SLC35B3: variants seen among roughly 807,000 people sequenced by gnomAD.
SLC35B3 encodes the protein solute carrier family 35 member B3, also known as adenosine 3'-phospho 5'-phosphosulfate transporter 2.
SLC35B3 carries 35 observed loss-of-function variants against 44.1 expected under a neutral mutation model. The observed-to-expected ratio is 0.79, with a 90% CI of 0.61 to 1.05. SLC35B3 has a LOEUF of 1.05. SLC35B3 is among the 50% of genes least tolerant of loss of function. The pLI is 0.00. For synonymous variants in SLC35B3, 146 were observed against 167.3 expected, an observed-to-expected ratio of 0.87 and a Z score of 0.98; for missense variants, 414 against 476.4, an observed-to-expected ratio of 0.87 and a Z score of 1.22.
intron 4 of SLC35B3, among the ~76,000 whole-genome samples, chr6:8,425,231 G>C (rs1763304785): frequency 6.6e-6 from 1 of 152,110 alleles, no homozygotes; most frequent in African/African-American, 2.4e-5. Context: ...CATCATCATT[G>C]TATCATTTTT....
Position 8,412,885 on chromosome 6 carries a change from C to T in SLC35B3, c.*664G>A, listed in dbSNP as rs894698979. Reference sequence around the variant, plus strand: ...TAATGCTCACTTGTCAGCCTCTCACCTCTTGTTGCGTGGTCTGGTTCCTAA... The same window carrying T: ...TAATGCTCACTTGTCAGCCTCTCACTTCTTGTTGCGTGGTCTGGTTCCTAA... On this transcript the variant is annotated 3_prime_UTR_variant, in exon 11 of 11. Coordinates refer to ENST00000644923, the MANE Select transcript of SLC35B3 (RefSeq NM_001370476.2). 1.2e-4 allele frequency among the ~76,000 whole-genome samples: 19 copies of T among 152,244 alleles called. No homozygotes were observed. Among genetic ancestry groups the T allele is most frequent in the African/African-American group, 4.6e-4 (19 of 41,544 alleles).
At position 8,419,431 on chromosome 6, in the gene SLC35B3, T is replaced by G; in HGVS notation, c.780+149A>C. 1 of 446,678 alleles carries G rather than the reference T, an allele frequency of 2.2e-6. No individual in the cohort carries two copies. The highest frequency in any genetic ancestry group is 4.0e-6 in the Non-Finnish European group (1 of 248,996). 27.7% of individuals were successfully genotyped at this position (446,678 alleles called of 1,614,324 possible). ...TAGCACTGCTAGTTGTAGTTTTAGTTTTTACCTTCCTATAATGTTTGAATG... is the reference window on the plus strand; with the variant it reads ...TAGCACTGCTAGTTGTAGTTTTAGTGTTTACCTTCCTATAATGTTTGAATG... On this transcript the variant is annotated intron_variant, in intron 7 of 10. Coordinates refer to ENST00000644923, the MANE Select transcript of SLC35B3 (RefSeq NM_001370476.2). The surrounding 1 kb of genome is among the most constrained non-coding windows in gnomAD (Gnocchi z 4.3).
intron 8 of SLC35B3, 148 bp from the exon 8 acceptor site, chr6:8,417,143 GAA>G (rs72191300): frequency 5.4e-6 from 3 of 557,176 alleles, no homozygotes; most frequent in Non-Finnish European, 9.4e-6. Context: ...TTGATTTAAT[GAA>G]AAAAAAATGT....
chr6:8,434,363 G>A lies in SLC35B3; in HGVS notation c.3+22C>T, dbSNP rs532474784. 13 of 1,609,836 alleles carry A rather than the reference G, an allele frequency of 8.1e-6. No homozygotes were observed. In the East Asian group the frequency reaches 1.6e-4, roughly 19 times the overall value. On this transcript the variant is annotated intron_variant, in intron 2 of 10. Transcript: ENST00000644923. The surrounding 1 kb of genome is among the most constrained non-coding windows in gnomAD (Gnocchi z 6.3). Reference sequence around the variant, plus strand: ...TTAACTATACTTTGCCACACTCAACGTTACAAATAAAAGAATCTTACCATG... The same window carrying A: ...TTAACTATACTTTGCCACACTCAACATTACAAATAAAAGAATCTTACCATG...
chr6:8,424,930 G>C (rs1290289497), intron 4 of SLC35B3, among the ~76,000 whole-genome samples: 1 of 152,142 alleles, frequency 6.6e-6, no homozygotes, highest in Non-Finnish European at 1.5e-5. Flanking sequence ...AAAGAGTTTA[G>C]CTAATTAAAG....
intron 7 of SLC35B3, among the ~76,000 whole-genome samples, chr6:8,417,854 A>C (rs978515233): frequency 6.6e-6 from 1 of 152,168 alleles, no homozygotes; most frequent in African/African-American, 2.4e-5. Context: ...TAAAAAAATT[A>C]AGTTTCTAAA....
chr6:8,429,777 G>T, intron 3 of SLC35B3, 87 bp downstream of exon 2: 3 of 952,666 alleles, frequency 3.1e-6, no homozygotes, highest in Non-Finnish European at 4.6e-6. Context: ...TCCCCTAAGT[G>T]ACTATCTTGG....
chr6:8,421,097 G>T (rs1561751879), intron 5 of SLC35B3, among the ~76,000 whole-genome samples: 1 of 152,090 alleles, frequency 6.6e-6, no homozygotes, highest in African/African-American at 2.4e-5. Flanking sequence ...CTGACAGCAA[G>T]AATAATGCAC....
In SLC35B3 at chr6:8,414,913, C is replaced by T. The variant is rs369457843; in HGVS notation, c.1050G>A (p.Thr350=). The T allele has an allele frequency of 3.4e-5, 54 of 1,582,308 alleles. No homozygotes were observed. The highest frequency in any genetic ancestry group is 6.7e-5 in the African/African-American group (5 of 74,398). Reference sequence around the variant, plus strand: ...TTTAATTAAGAAGTACTTACTGAAACGTGAATGGTTTAGCAAAGAATATAA... The same window carrying T: ...TTTAATTAAGAAGTACTTACTGAAATGTGAATGGTTTAGCAAAGAATATAA... The change falls in exon 10 of 11, where the codon ACG becomes ACA. Residue 350 remains threonine (T), a synonymous_variant. Coordinates refer to ENST00000644923, the MANE Select transcript of SLC35B3 (RefSeq NM_001370476.2).
At chr6:8,424,601 C>T (rs1166230055) in intron 4 of SLC35B3, among the ~76,000 whole-genome samples, 1 of 152,156 alleles carries the variant, frequency 6.6e-6, no homozygotes, top group Non-Finnish European at 1.5e-5. Flanking sequence ...CAAGACAAAT[C>T]TGAGCACTCT....
chr6:8,414,763 GA>G (rs201562870), intron 10 of SLC35B3, 144 bp downstream of exon 9: 19 of 429,484 alleles, frequency 4.4e-5, no homozygotes, highest in African/African-American at 3.3e-4. Flanking sequence ...AGCATAACAG[GA>G]AAAAAAACCA....
intron 7 of SLC35B3, among the ~76,000 whole-genome samples, chr6:8,418,585 A>G (rs564877093): frequency 6.6e-6 from 1 of 151,994 alleles, no homozygotes; most frequent in African/African-American, 2.4e-5. Flanking sequence ...AGAGATACAG[A>G]AAGATATTAT....
chr6:8,427,401 C>T (rs950024679), intron 4 of SLC35B3, among the ~76,000 whole-genome samples: 2 of 152,198 alleles, frequency 1.3e-5, no homozygotes, highest in Non-Finnish European at 2.9e-5. Context: ...TGCCCTGCAT[C>T]CCAGCTGTCC....
In SLC35B3 at chr6:8,419,862, T is replaced by C. The variant is rs971186098; in HGVS notation, c.683-185A>G. Among the ~76,000 whole-genome samples, 5 of 152,096 alleles carry C rather than the reference T, an allele frequency of 3.3e-5. No homozygotes were observed. The highest frequency in any genetic ancestry group is 6.5e-5 in the Admixed American group (1 of 15,268). ...TGTAACAAGTACATATGTGATGATA[T>C]TAAAAAAGATATACTAATAAACTGA... On this transcript the variant is annotated intron_variant, in intron 6 of 10. Coordinates refer to ENST00000644923, the MANE Select transcript of SLC35B3 (RefSeq NM_001370476.2). The surrounding 1 kb of genome is among the most constrained non-coding windows in gnomAD (Gnocchi z 4.3).
chr6:8,429,327 G>C (rs938943624), intron 3 of SLC35B3, among the ~76,000 whole-genome samples: 5 of 152,016 alleles, frequency 3.3e-5, no homozygotes, highest in African/African-American at 1.2e-4. Context: ...GAAATGTTTT[G>C]TGCCAGCAAA....
intron 9 of SLC35B3, among the ~76,000 whole-genome samples, chr6:8,416,110 C>A (rs1384844321): frequency 2.6e-5 from 4 of 152,156 alleles, no homozygotes; most frequent in Admixed American, 2.6e-4. Flanking sequence ...GTTTATCCAT[C>A]TGTAAAATGG....
intron 3 of SLC35B3, among the ~76,000 whole-genome samples, chr6:8,429,134 G>A (rs1763719998): frequency 1.3e-5 from 2 of 152,168 alleles, no homozygotes; most frequent in African/African-American, 2.4e-5. Flanking sequence ...CAAGTTATGG[G>A]AAAATATCCA....
intron 9 of SLC35B3, among the ~76,000 whole-genome samples, chr6:8,416,221 C>T (rs1762402007): frequency 6.6e-6 from 1 of 152,182 alleles, no homozygotes; most frequent in Non-Finnish European, 1.5e-5. Context: ...TTATTGCCAG[C>T]TCTGGCTTTC....
chr6:8,435,522 C>G lies in SLC35B3; in HGVS notation c.-223G>C, dbSNP rs747220694. On this transcript the variant is annotated 5_prime_UTR_variant, in exon 1 of 11. Coordinates refer to ENST00000644923, the MANE Select transcript of SLC35B3 (RefSeq NM_001370476.2). This position sits in a 1 kb window ranked among gnomAD's most constrained non-coding sequence, Gnocchi z 5.5. ...CCGGAAAGCACTCTCAACTCCGGCG[C>G]CCGCAGGCCACTTCCGCCTATGTGT... 2 of 538,622 alleles carry G rather than the reference C, an allele frequency of 3.7e-6. No homozygotes were observed. Among genetic ancestry groups the G allele is most frequent in the East Asian group, 6.9e-5 (1 of 14,418 alleles). The allele number at this position is 538,622 out of a possible 1,614,324, so 33.4% of individuals were successfully genotyped here.
Sources: allele counts gnomAD v4.1 joint callset (sites outside exome capture counted in the v4.1 genomes callset), GRCh38; gene constraint gnomAD v4.1.1; non-coding constraint Gnocchi (gnomAD v3.1); transcripts MANE v1.5; gene names NCBI Gene and HGNC (gene_info 2026-07-23, HGNC 2026-07-21).